Variants in UTP20 observed in about 807,000 individuals in gnomAD.
The protein encoded by UTP20 is UTP20 small subunit processome component.
Under a neutral mutation model 329.5 loss-of-function variants are expected in UTP20, and 164 were observed. The ratio of observed to expected loss-of-function variants is 0.50; its 90% CI spans 0.44 to 0.57. The LOEUF (loss-of-function observed/expected upper bound fraction) is 0.57. UTP20 is among the 20% of genes least tolerant of loss of function. The pLI is 0.00. For synonymous variants in UTP20, 1,151 were observed against 1,159.3 expected, an observed-to-expected ratio of 0.99 and a Z score of 0.14; for missense variants, 3,055 against 3,284.2, an observed-to-expected ratio of 0.93 and a Z score of 1.71.
intron 5 of UTP20, 63 bp downstream of exon 5, chr12:101,286,572 A>T: frequency 1.5e-6 from 2 of 1,379,210 alleles, no homozygotes; most frequent in Non-Finnish European, 1.9e-6. Context: ...TGGCTTCTTT[A>T]TGACTCCAAA....
chr12:101,340,160 G>A (rs1338525657), intron 31 of UTP20, among the ~76,000 whole-genome samples: 1 of 152,108 alleles, frequency 6.6e-6, no homozygotes, highest in African/African-American at 2.4e-5. Flanking sequence ...TTGAAATACT[G>A]TACATAAACC....
intron 10 of UTP20, 76 bp downstream of exon 10, chr12:101,292,180 G>A: frequency 6.8e-7 from 1 of 1,481,404 alleles, no homozygotes; most frequent in Non-Finnish European, 9.1e-7. Context: ...AGGAATACAA[G>A]TGAAGTGTGA....
At chr12:101,330,384 G>GA (rs1216561633) in intron 27 of UTP20, among the ~76,000 whole-genome samples, 1 of 152,202 alleles carries the variant, frequency 6.6e-6, no homozygotes, top group African/African-American at 2.4e-5. Context: ...GGATGAAGAG[G>GA]TAGGTCGTAG....
At chr12:101,293,572 A>T (rs1382964377) in intron 11 of UTP20, among the ~76,000 whole-genome samples, 8 of 152,226 alleles carry the variant, frequency 5.3e-5, no homozygotes, top group Admixed American at 5.2e-4. Context: ...CTCCAAAATA[A>T]GGTAACTGAG....
intron 16 of UTP20, 79 bp downstream of exon 16, chr12:101,306,144 CTTAG>C: frequency 1.4e-6 from 2 of 1,421,388 alleles, no homozygotes; most frequent in South Asian, 1.6e-5. Context: ...TTCAGAGCAT[CTTAG>C]TTAGAAAGTG....
chr12:101,314,651 C>G (rs1343289480), intron 21 of UTP20, among the ~76,000 whole-genome samples: 1 of 141,130 alleles, frequency 7.1e-6, no homozygotes, highest in African/African-American at 2.8e-5. Context: ...GAGCGAGACT[C>G]TGTCTCAAAA....
chr12:101,333,221 G>A, intron 27 of UTP20, 80 bp from the exon 28 acceptor site: 2 of 1,415,150 alleles, frequency 1.4e-6, no homozygotes, highest in Non-Finnish European at 1.9e-6. Context: ...TTAGCCACCT[G>A]AGCAAGAGTG....
chr12:101,312,755 A>C (rs568753334), intron 21 of UTP20, among the ~76,000 whole-genome samples: 5 of 152,254 alleles, frequency 3.3e-5, no homozygotes, highest in Admixed American at 3.3e-4. Flanking sequence ...TGAGTTCTTT[A>C]TACATCTGTC....
Position 101,312,274 on chromosome 12 carries a change from C to T in UTP20, c.2550C>T (p.Ile850=). Residue 850 remains isoleucine (I), a splice_region_variant and synonymous_variant, in exon 21 of 62, where the codon ATC becomes ATT. Coordinates refer to ENST00000261637, the MANE Select transcript of UTP20 (RefSeq NM_014503.3). ...RELSPLFLRF[I]NNEYYPADLQ... is the part of the protein sequence containing the mutation. ...TTTCCCCGCTTTTCTTGAGATTTATCAAGTAAGTTTCCTCTTCTAAGAATA... is the reference window on the plus strand; with the variant it reads ...TTTCCCCGCTTTTCTTGAGATTTATTAAGTAAGTTTCCTCTTCTAAGAATA... 6.2e-7 allele frequency: 1 copy of T among 1,613,774 alleles called. No homozygotes were observed. Among genetic ancestry groups the T allele is most frequent in the Non-Finnish European group, 8.5e-7 (1 of 1,179,916 alleles).
At chr12:101,359,143 A>T (rs938434975) in intron 43 of UTP20, among the ~76,000 whole-genome samples, 2 of 151,870 alleles carry the variant, frequency 1.3e-5, no homozygotes, top group Admixed American at 6.6e-5. Context: ...GGCTTACTAC[A>T]ACCTCCACTT....
intron 12 of UTP20, among the ~76,000 whole-genome samples, chr12:101,299,066 G>C (rs1036968023): frequency 6.6e-6 from 1 of 151,996 alleles, no homozygotes; most frequent in Non-Finnish European, 1.5e-5. Context: ...TTAGATTTTT[G>C]TCTTTCAAAT....
chr12:101,302,159 G>A (rs1872537246), intron 14 of UTP20, among the ~76,000 whole-genome samples: 1 of 152,060 alleles, frequency 6.6e-6, no homozygotes, highest in African/African-American at 2.4e-5. Flanking sequence ...TGAACTCCTG[G>A]CCTCAAGTGG....
chr12:101,379,955 G>T (rs1045569660), intron 57 of UTP20, among the ~76,000 whole-genome samples: 1 of 151,948 alleles, frequency 6.6e-6, no homozygotes, highest in African/African-American at 2.4e-5. Context: ...GGGTACCTGG[G>T]ATTACAGGCA....
intron 40 of UTP20, among the ~76,000 whole-genome samples, chr12:101,354,157 G>T (rs1391944310): frequency 4.0e-5 from 6 of 150,762 alleles, no homozygotes; most frequent in Admixed American, 1.3e-4. Flanking sequence ...AACTACTCAG[G>T]AGGCTAAGGC....
intron 57 of UTP20, among the ~76,000 whole-genome samples, 182 bp downstream of exon 57, chr12:101,379,740 AAAGAT>A (rs1336152003): frequency 6.6e-6 from 1 of 152,214 alleles, no homozygotes; most frequent in African/African-American, 2.4e-5. Flanking sequence ...GGGTTTTTTC[AAAGAT>A]AATTTTTAGA....
intron 25 of UTP20, among the ~76,000 whole-genome samples, chr12:101,324,272 C>T (rs1241095777): frequency 4.0e-5 from 6 of 150,382 alleles, no homozygotes; most frequent in African/African-American, 1.5e-4. Flanking sequence ...AGGTCTCTCT[C>T]TGTCACCCAG....
chr12:101,339,180 G>A (rs1565797962), intron 31 of UTP20, among the ~76,000 whole-genome samples: 2 of 152,148 alleles, frequency 1.3e-5, no homozygotes, highest in Non-Finnish European at 2.9e-5. Flanking sequence ...GGGCGTGGTG[G>A]TGGACACCTG....
In UTP20 at chr12:101,338,110, A is replaced by G. The variant is rs1868991686; in HGVS notation, c.3701A>G (p.Asn1234Ser). The change falls in exon 30 of 62, where the codon AAT becomes AGT. Residue 1234 changes from asparagine to serine, a missense_variant. By Grantham distance (46) the Asn-to-Ser change is conservative. Transcript: ENST00000261637. ...PGHPECDILT[N>S]VFAILSAKNL... ...CACCCAGAATGTGATATCCTGACCA[A>G]TGTTTTTGCAATTCTCTCAGCGAAG... 1.2e-6 allele frequency: 2 copies of G among 1,614,036 alleles called. No individual in the cohort carries two copies. The highest frequency in any genetic ancestry group is 1.3e-5 in the African/African-American group (1 of 74,922).
chr12:101,319,542 TA>T lies in UTP20; in HGVS notation c.2739-2del. The stretch of plus-strand genomic sequence containing the variant: ...TAACACTCTCTGTTTTGTTTTTGTT[TA>T]GGCAATTAATTGCTCATTTGCAAGT... On this transcript the variant is annotated splice_acceptor_variant, in intron 22 of 61. Transcript: ENST00000261637. LOFTEE classifies it high-confidence loss of function. 6.3e-7 allele frequency: 1 copy of T among 1,595,748 alleles called. No homozygotes were observed. Among genetic ancestry groups the T allele is most frequent in the Non-Finnish European group, 8.5e-7 (1 of 1,175,840 alleles).
Sources: allele counts gnomAD v4.1 joint callset (sites outside exome capture counted in the v4.1 genomes callset), GRCh38; gene constraint gnomAD v4.1.1; transcripts MANE v1.5; gene names NCBI Gene and HGNC (gene_info 2026-07-23, HGNC 2026-07-21).